PARVA: variants seen among roughly 807,000 people sequenced by gnomAD.
The protein encoded by PARVA is alpha-parvin.
A neutral mutation model predicts 52.6 loss-of-function variants in PARVA; 25 were observed. The observed-to-expected ratio is 0.48, with a 90% CI of 0.35 to 0.66. The LOEUF (loss-of-function observed/expected upper bound fraction) is 0.66, where lower values mean the gene tolerates loss of function less well. Among genes scored for constraint, PARVA ranks in the 30% least tolerant of loss-of-function variants. The pLI is 0.01. For synonymous variants in PARVA, 185 were observed against 179.1 expected (o/e 1.03, Z -0.26); for missense variants, 373 against 450.9 (o/e 0.83, Z 1.56).
At chr11:12,384,835 G>T (rs1197458725) in intron 1 of PARVA, among the ~76,000 whole-genome samples, 1 of 152,158 alleles carries the variant, frequency 6.6e-6, no homozygotes, top group African/African-American at 2.4e-5. Context: ...ACAAGAGGAA[G>T]GGCAGAGGCA....
At chr11:12,470,667 G>C (rs1940921146) in intron 1 of PARVA, among the ~76,000 whole-genome samples, 2 of 149,944 alleles carry the variant, frequency 1.3e-5, no homozygotes, top group Non-Finnish European at 2.9e-5. Context: ...TTCAGATCAT[G>C]ATGAGAAAAT....
intron 1 of PARVA, among the ~76,000 whole-genome samples, chr11:12,442,297 A>G (rs1940478036): frequency 6.6e-6 from 1 of 152,242 alleles, no homozygotes; most frequent in Non-Finnish European, 1.5e-5. Flanking sequence ...CACAATACCT[A>G]CTTAGCAGGA....
At chr11:12,517,974 A>C (rs1214736920) in intron 11 of PARVA, among the ~76,000 whole-genome samples, 1 of 152,144 alleles carries the variant, frequency 6.6e-6, no homozygotes, top group African/African-American at 2.4e-5. Context: ...GCCCCAGCCC[A>C]GCCTCCTCTC....
intron 8 of PARVA, among the ~76,000 whole-genome samples, chr11:12,512,223 AAAGG>A (rs1405216976): frequency 6.6e-6 from 1 of 152,184 alleles, no homozygotes; most frequent in African/African-American, 2.4e-5. Context: ...TCGTGGAAAT[AAAGG>A]AAGACATGCA....
chr11:12,434,321 G>T (rs1940357317), intron 1 of PARVA, among the ~76,000 whole-genome samples: 1 of 152,200 alleles, frequency 6.6e-6, no homozygotes, highest in South Asian at 2.1e-4. Flanking sequence ...GATAAATTCT[G>T]CATTCCCACT....
intron 1 of PARVA, among the ~76,000 whole-genome samples, chr11:12,427,643 CAAA>C (rs950481536): frequency 2.6e-5 from 4 of 151,802 alleles, no homozygotes; most frequent in African/African-American, 9.7e-5. Context: ...TAAAGGCATA[CAAA>C]AAAACAATTA....
chr11:12,512,082 C>T (rs1258329057), intron 8 of PARVA, among the ~76,000 whole-genome samples: 1 of 152,062 alleles, frequency 6.6e-6, no homozygotes, highest in Non-Finnish European at 1.5e-5. Context: ...TCATAACATC[C>T]CACTGAAATA....
chr11:12,407,453 T>G (rs1261707451), intron 1 of PARVA, among the ~76,000 whole-genome samples: 6 of 152,236 alleles, frequency 3.9e-5, no homozygotes, highest in African/African-American at 1.4e-4. Context: ...CATGAAAGGA[T>G]GTTTTTTAAT....
At chr11:12,489,975 G>T (rs1034152414) in intron 4 of PARVA, among the ~76,000 whole-genome samples, 2 of 152,158 alleles carry the variant, frequency 1.3e-5, no homozygotes, top group African/African-American at 2.4e-5. Context: ...CCAGCATTTT[G>T]GGAGGCCAAG....
intron 1 of PARVA, among the ~76,000 whole-genome samples, chr11:12,391,715 C>T (rs186322361): frequency 1.1e-3 from 167 of 152,332 alleles, no homozygotes; most frequent in African/African-American, 3.9e-3. Context: ...GTCACTTGCA[C>T]ACAGAAATGG....
chr11:12,508,793 C>T, intron 7 of PARVA, 151 bp downstream of exon 7: 1 of 663,974 alleles, frequency 1.5e-6, no homozygotes. Context: ...CTTTTCCATG[C>T]ATTCAAAACA....
chr11:12,534,291 G>A lies in PARVA; in HGVS notation c.*6366G>A, dbSNP rs965984386. ...GGAAGTTTTGAAATTCCAGAAATAT[G>A]CTTGGAAATCCCCGCTTGAAATCTC... On this transcript the variant is annotated 3_prime_UTR_variant, in exon 13 of 13. Coordinates refer to ENST00000334956, the MANE Select transcript of PARVA (RefSeq NM_018222.5). Among the ~76,000 whole-genome samples, 1 of 152,182 alleles carries A rather than the reference G, an allele frequency of 6.6e-6. No individual in the cohort carries two copies. Among genetic ancestry groups the A allele is most frequent in the African/African-American group, 2.4e-5 (1 of 41,448 alleles).
intron 1 of PARVA, among the ~76,000 whole-genome samples, chr11:12,439,882 C>T (rs1211158147): frequency 6.6e-6 from 1 of 152,208 alleles, no homozygotes; most frequent in Non-Finnish European, 1.5e-5. Context: ...TGTTCAAATC[C>T]TCCTTATGCA....
intron 12 of PARVA, among the ~76,000 whole-genome samples, chr11:12,521,756 A>T (rs564526497): frequency 6.6e-6 from 1 of 152,304 alleles, no homozygotes; most frequent in South Asian, 2.1e-4. Flanking sequence ...ATGTAGCATA[A>T]GAAAGGCTCA....
At chr11:12,382,760 A>G (rs1448585135) in intron 1 of PARVA, among the ~76,000 whole-genome samples, 1 of 152,228 alleles carries the variant, frequency 6.6e-6, no homozygotes, top group Admixed American at 6.5e-5. Flanking sequence ...TATTCATTCT[A>G]TGACTTAAGA....
chr11:12,512,863 T>G (rs1263948211), intron 8 of PARVA, among the ~76,000 whole-genome samples: 1 of 152,214 alleles, frequency 6.6e-6, no homozygotes. Context: ...CCCTCTTCTC[T>G]GTGCCCTCTG....
intron 3 of PARVA, among the ~76,000 whole-genome samples, chr11:12,475,277 G>A (rs971663047): frequency 1.3e-5 from 2 of 152,214 alleles, no homozygotes; most frequent in Admixed American, 6.5e-5. Flanking sequence ...GTCTCAGCAC[G>A]GCTGCTTGCT....
At chr11:12,391,476 C>T (rs1228879232) in intron 1 of PARVA, among the ~76,000 whole-genome samples, 1 of 152,198 alleles carries the variant, frequency 6.6e-6, no homozygotes, top group East Asian at 1.9e-4. Context: ...GATTCATGGT[C>T]TAGCTTATGC....
At chr11:12,472,477 G>C (rs939498167) in intron 1 of PARVA, among the ~76,000 whole-genome samples, 5 of 152,128 alleles carry the variant, frequency 3.3e-5, no homozygotes, top group African/African-American at 1.2e-4. Flanking sequence ...TCAAAGACCT[G>C]CTGCAAAGGT....
Sources: gnomAD v4.1 joint callset for allele counts (sites outside exome capture counted in the v4.1 genomes callset) on GRCh38, gnomAD v4.1.1 for gene constraint, MANE v1.5 for transcripts, NCBI Gene and HGNC (gene_info 2026-07-23, HGNC 2026-07-21) for gene names.